The following INSL6 variants were observed in gnomAD, a reference collection of about 807,000 sequenced individuals.
INSL6 encodes the protein insulin-like peptide INSL6.
INSL6 carries 16 observed loss-of-function variants against 9.4 expected under a neutral mutation model. That is an observed-to-expected ratio of 1.70 (90% CI 1.15 to 2.59). The LOEUF (loss-of-function observed/expected upper bound fraction) is 2.59, where lower values mean the gene tolerates loss of function less well. INSL6 is among the 30% of genes most tolerant of loss of function. The pLI, the probability that INSL6 is intolerant of heterozygous loss-of-function variation, is 0.00. For synonymous variants in INSL6, 154 were observed against 96.9 expected (o/e 1.59, Z -3.46); for missense variants, 391 against 257.3 (o/e 1.52, Z -3.56).
chr9:5,179,546 T>C (rs146720439), intron 1 of INSL6, among the ~76,000 whole-genome samples: 12 of 152,330 alleles, frequency 7.9e-5, no homozygotes, highest in African/African-American at 2.6e-4. Context: ...CATGCAAGCA[T>C]ATGTTCATTG....
the INSL6 span, among the ~76,000 whole-genome samples, chr9:5,058,610 AT>A: frequency 2.0e-5 from 3 of 152,096 alleles, no homozygotes; most frequent in East Asian, 5.8e-4. Flanking sequence ...TCTACTTGTA[AT>A]TTTTTAGGGA....
At chr9:5,002,976 C>T in the INSL6 span, among the ~76,000 whole-genome samples, 2 of 151,942 alleles carry the variant, frequency 1.3e-5, no homozygotes, top group African/African-American at 4.8e-5. Context: ...GACTAAGCCA[C>T]ATGTTTTGAA....
At chr9:5,150,562 C>T (rs938873558) in intron 2 of INSL6, among the ~76,000 whole-genome samples, 1 of 152,002 alleles carries the variant, frequency 6.6e-6, no homozygotes, top group Non-Finnish European at 1.5e-5. Flanking sequence ...ATTATTAAAT[C>T]GTCAACAAAT....
the INSL6 span, among the ~76,000 whole-genome samples, chr9:5,068,643 A>C: frequency 9.2e-5 from 14 of 152,342 alleles, no homozygotes; most frequent in Middle Eastern, 3.4e-3. Context: ...CGTAGGTTGT[A>C]TGTTGGCAGT....
At chr9:5,103,819 T>TG in the INSL6 span, among the ~76,000 whole-genome samples, 1 of 151,964 alleles carries the variant, frequency 6.6e-6, no homozygotes, top group Admixed American at 6.6e-5. Context: ...GAATGACTAC[T>TG]GGGTAAATAA....
chr9:5,112,085 A>G, the INSL6 span: 2 of 379,824 alleles, frequency 5.3e-6, no homozygotes, highest in East Asian at 1.6e-4. Context: ...GTAAGATAGA[A>G]GACCACCTAC....
At chr9:5,177,203 T>G (rs565366264) in intron 1 of INSL6, among the ~76,000 whole-genome samples, 1 of 152,082 alleles carries the variant, frequency 6.6e-6, no homozygotes, top group Non-Finnish European at 1.5e-5. Context: ...TGGGACTGAC[T>G]AGGCAAACAA....
the INSL6 span, among the ~76,000 whole-genome samples, chr9:5,102,824 C>A: frequency 2.8e-3 from 431 of 152,218 alleles, no homozygotes; most frequent in African/African-American, 0.01. Flanking sequence ...AAATAAAATC[C>A]TTTACAGACA....
the INSL6 span, among the ~76,000 whole-genome samples, chr9:5,009,116 T>C: frequency 1.3e-5 from 2 of 152,208 alleles, no homozygotes; most frequent in African/African-American, 4.8e-5. Flanking sequence ...GCATTTTCTA[T>C]AACAGCAACA....
intron 1 of INSL6, among the ~76,000 whole-genome samples, chr9:5,174,995 C>T (rs189952138): frequency 1.3e-5 from 2 of 151,504 alleles, no homozygotes; most frequent in East Asian, 1.9e-4. Flanking sequence ...GCTGGAGTGC[C>T]GTGGCGTTAT....
the INSL6 span, chr9:5,040,952 A>C: frequency 1.3e-5 from 6 of 474,272 alleles, no homozygotes; most frequent in South Asian, 1.1e-4. Context: ...CAAGGAAAGA[A>C]TCTCTATACA....
At chr9:5,070,598 A>G in the INSL6 span, among the ~76,000 whole-genome samples, 21 of 152,204 alleles carry the variant, frequency 1.4e-4, no homozygotes, top group East Asian at 4.0e-3. Flanking sequence ...TTATTTATTT[A>G]TTAGAGCAGG....
chr9:5,101,262 C>T, the INSL6 span, among the ~76,000 whole-genome samples: 10 of 152,354 alleles, frequency 6.6e-5, no homozygotes, highest in East Asian at 1.9e-4. Flanking sequence ...CCCACACCCA[C>T]GGAGCCCTGC....
the INSL6 span, chr9:5,085,468 G>T: frequency 1.4e-6 from 1 of 727,986 alleles, no homozygotes; most frequent in Non-Finnish European, 2.6e-6. Context: ...AAGGTATTGT[G>T]CAAATCTCTC....
intron 1 of INSL6, among the ~76,000 whole-genome samples, chr9:5,177,454 G>A (rs1206181971): frequency 6.6e-6 from 1 of 152,158 alleles, no homozygotes; most frequent in Admixed American, 6.5e-5. Flanking sequence ...CTAGGGCCTT[G>A]GGTTCGACAC....
chr9:5,169,684 A>G (rs1825135585), intron 1 of INSL6, among the ~76,000 whole-genome samples: 1 of 152,210 alleles, frequency 6.6e-6, no homozygotes, highest in Non-Finnish European at 1.5e-5. Context: ...AAATTTACCA[A>G]GCAAATGGAA....
chr9:5,133,864 T>C (rs1019142623), intron 2 of INSL6, among the ~76,000 whole-genome samples: 1 of 151,896 alleles, frequency 6.6e-6, no homozygotes, highest in Non-Finnish European at 1.5e-5. Flanking sequence ...TTGACAGAAG[T>C]AGGCTTCAGA....
At chr9:5,166,324 T>C (rs974625357) in intron 1 of INSL6, among the ~76,000 whole-genome samples, 1 of 152,196 alleles carries the variant, frequency 6.6e-6, no homozygotes, top group African/African-American at 2.4e-5. Flanking sequence ...TCCCCTTTTA[T>C]CTTGAGGTTA....
At chr9:5,012,877 A>G in the INSL6 span, among the ~76,000 whole-genome samples, 2 of 152,106 alleles carry the variant, frequency 1.3e-5, no homozygotes, top group Non-Finnish European at 1.5e-5. Flanking sequence ...CCTGTGGGAG[A>G]TTAGGTTATT....
Sources: gnomAD v4.1 joint callset for allele counts (sites outside exome capture counted in the v4.1 genomes callset) on GRCh38, gnomAD v4.1.1 for gene constraint, MANE v1.5 for transcripts, NCBI Gene and HGNC (gene_info 2026-07-23, HGNC 2026-07-21) for gene names.